The following PTPRT variants were observed in gnomAD, a reference collection of about 807,000 sequenced individuals.
The protein encoded by PTPRT is protein tyrosine phosphatase receptor type T.
PTPRT carries 56 observed loss-of-function variants against 176.8 expected under a neutral mutation model. The observed-to-expected ratio is 0.32, with a 90% CI of 0.26 to 0.40. The LOEUF (loss-of-function observed/expected upper bound fraction) is 0.40, where lower values mean the gene tolerates loss of function less well. PTPRT is among the 10% of genes least tolerant of loss of function. The pLI, the probability that PTPRT is intolerant of heterozygous loss-of-function variation, is 1.00. For missense variants in PTPRT, 1,540 were observed against 1,908.2 expected (o/e 0.81, Z 3.60); for synonymous variants, 783 against 739.0 (o/e 1.06, Z -0.96).
intron 1 of PTPRT, among the ~76,000 whole-genome samples, chr20:43,046,016 A>C (rs757169211): frequency 1.3e-5 from 2 of 152,136 alleles, no homozygotes; most frequent in Non-Finnish European, 2.9e-5. Context: ...AAGGCCAAGA[A>C]ATGGGCTAAC....
chr20:42,957,045 C>T (rs1230988165), intron 1 of PTPRT, among the ~76,000 whole-genome samples: 36 of 152,126 alleles, frequency 2.4e-4, no homozygotes, highest in Admixed American at 2.2e-3. Context: ...GATTCAACCA[C>T]GGAGTCTGCA....
At chr20:43,108,378 C>G (rs2012709101) in intron 1 of PTPRT, among the ~76,000 whole-genome samples, 1 of 152,156 alleles carries the variant, frequency 6.6e-6, no homozygotes, top group African/African-American at 2.4e-5. Flanking sequence ...CCCAGTTGAG[C>G]CTTTGGAAGA....
At chr20:42,907,420 TGAA>T (rs1179097172) in intron 1 of PTPRT, among the ~76,000 whole-genome samples, 1 of 151,894 alleles carries the variant, frequency 6.6e-6, no homozygotes, top group Admixed American at 6.6e-5. Flanking sequence ...TTGACTGGAA[TGAA>T]GAAAAGGAAG....
At chr20:43,128,060 T>C (rs1294856327) in intron 1 of PTPRT, among the ~76,000 whole-genome samples, 1 of 152,218 alleles carries the variant, frequency 6.6e-6, no homozygotes, top group African/African-American at 2.4e-5. Flanking sequence ...ATGGCTTTGA[T>C]TGGAGTGATA....
intron 13 of PTPRT, among the ~76,000 whole-genome samples, chr20:42,249,887 C>G (rs564120743): frequency 3.0e-4 from 45 of 152,312 alleles, no homozygotes; most frequent in Non-Finnish European, 5.7e-4. Context: ...GTTATCAGCA[C>G]CCGAAGTGAA....
At chr20:42,066,819 T>C in the PTPRT span, among the ~76,000 whole-genome samples, 1 of 152,182 alleles carries the variant, frequency 6.6e-6, no homozygotes, top group African/African-American at 2.4e-5. Context: ...CCCCTTTCTG[T>C]CTCCTAATTT....
chr20:43,100,263 G>A (rs555173962), intron 1 of PTPRT, among the ~76,000 whole-genome samples: 7 of 152,048 alleles, frequency 4.6e-5, no homozygotes, highest in African/African-American at 1.7e-4. Flanking sequence ...TGTAATCCCC[G>A]CTACTCTGGA....
intron 1 of PTPRT, among the ~76,000 whole-genome samples, chr20:42,980,673 A>G (rs1039959334): frequency 6.6e-6 from 1 of 152,140 alleles, no homozygotes; most frequent in African/African-American, 2.4e-5. Flanking sequence ...GTCAAATCTC[A>G]GCTCTGACCA....
chr20:42,176,545 T>C (rs1053343468), intron 16 of PTPRT, among the ~76,000 whole-genome samples: 2 of 152,176 alleles, frequency 1.3e-5, no homozygotes, highest in Non-Finnish European at 2.9e-5. Flanking sequence ...TTTTGTATTA[T>C]GTATATATCA....
chr20:42,848,972 T>C (rs2078425187), intron 2 of PTPRT, among the ~76,000 whole-genome samples: 1 of 152,226 alleles, frequency 6.6e-6, no homozygotes. Context: ...CCTTGTTCCA[T>C]TGTGAGTTGA....
At position 42,791,178 on chromosome 20, in the gene PTPRT, A is replaced by T. The variant is rs2145545782; in HGVS notation, c.486+17T>A. 6.5e-7 allele frequency: 1 copy of T among 1,549,712 alleles called. No individual in the cohort carries two copies. Among genetic ancestry groups the T allele is most frequent in the Non-Finnish European group, 8.7e-7 (1 of 1,150,006 alleles). On this transcript the variant is annotated intron_variant, in intron 3 of 30. Transcript: ENST00000373187. ...ATTACAAATTTTCAAAAATAAAACCATGGTAAAATGCCATACCTGATAGAA... is the reference window on the plus strand; with the variant it reads ...ATTACAAATTTTCAAAAATAAAACCTTGGTAAAATGCCATACCTGATAGAA...
At chr20:42,991,977 T>G (rs16987666) in intron 1 of PTPRT, among the ~76,000 whole-genome samples, 12,017 of 152,238 alleles carry the variant, frequency 0.079, 490 homozygotes, top group African/African-American at 0.093. Flanking sequence ...TAAATATTTT[T>G]TGCCTGTTGA....
At chr20:42,390,609 G>A (rs1237251137) in intron 9 of PTPRT, among the ~76,000 whole-genome samples, 1 of 152,096 alleles carries the variant, frequency 6.6e-6, no homozygotes, top group Non-Finnish European at 1.5e-5. Flanking sequence ...TGAAAGCCAT[G>A]TGCCATGTCA....
At chr20:42,084,491 C>A (rs763259796) in intron 29 of PTPRT, among the ~76,000 whole-genome samples, 191 bp downstream of exon 29, 3 of 152,248 alleles carry the variant, frequency 2.0e-5, no homozygotes, top group Non-Finnish European at 4.4e-5. Context: ...TAGTTCAGGA[C>A]AACAAACTGG....
intron 1 of PTPRT, among the ~76,000 whole-genome samples, chr20:42,949,233 G>A (rs918460301): frequency 1.3e-5 from 2 of 152,176 alleles, no homozygotes; most frequent in African/African-American, 2.4e-5. Context: ...CTTTGCATCT[G>A]CTCTGGCCTT....
chr20:42,396,409 C>T (rs1365772515), intron 9 of PTPRT, among the ~76,000 whole-genome samples: 1 of 152,180 alleles, frequency 6.6e-6, no homozygotes, highest in African/African-American at 2.4e-5. Flanking sequence ...TACTTCTATC[C>T]TTGCCTTCCT....
At chr20:42,345,364 TATACACACACACAC>T (rs2058172874) in intron 11 of PTPRT, among the ~76,000 whole-genome samples, 1 of 92,932 alleles carries the variant, frequency 1.1e-5, no homozygotes, top group Admixed American at 1.3e-4. Context: ...TGAAGGCATA[TATACACACACACAC>T]ACACACACAC....
intron 7 of PTPRT, among the ~76,000 whole-genome samples, chr20:42,591,862 T>A (rs1384305638): frequency 6.6e-6 from 1 of 151,826 alleles, no homozygotes; most frequent in African/African-American, 2.4e-5. Flanking sequence ...AGCATTTAAA[T>A]GAGAATAATG....
intron 2 of PTPRT, among the ~76,000 whole-genome samples, chr20:42,818,767 C>G (rs1335519010): frequency 6.6e-6 from 1 of 152,118 alleles, no homozygotes; most frequent in African/African-American, 2.4e-5. Context: ...CAAGCATCAA[C>G]AGCCAAACTG....
Sources: gnomAD v4.1 joint callset for allele counts (sites outside exome capture counted in the v4.1 genomes callset) on GRCh38, gnomAD v4.1.1 for gene constraint, MANE v1.5 for transcripts, NCBI Gene and HGNC (gene_info 2026-07-23, HGNC 2026-07-21) for gene names.